The following APOLD1 variants were observed in gnomAD, a reference collection of about 807,000 sequenced individuals.
The protein encoded by APOLD1 is apolipoprotein L domain-containing protein 1.
Under a neutral mutation model 15.3 loss-of-function variants are expected in APOLD1, and 22 were observed. The ratio of observed to expected loss-of-function variants is 1.44; its 90% CI spans 1.03 to 2.05. APOLD1 has a LOEUF of 2.05. APOLD1 is among the 30% of genes most tolerant of loss of function. APOLD1 has a pLI of 0.00. For synonymous variants in APOLD1, 190 were observed against 167.4 expected (o/e 1.13, Z -1.04); for missense variants, 394 against 353.5 (o/e 1.11, Z -0.92).
intron 1 of APOLD1, among the ~76,000 whole-genome samples, chr12:12,736,256 C>G: frequency 6.6e-6 from 1 of 152,104 alleles, no homozygotes; most frequent in East Asian, 1.9e-4. Context: ...GAGGCTGAGG[C>G]AGGAGAACTG....
chr12:12,752,550 G>A (rs1946819962), intron 1 of APOLD1, among the ~76,000 whole-genome samples: 1 of 151,990 alleles, frequency 6.6e-6, no homozygotes, highest in Admixed American at 6.6e-5. Flanking sequence ...TGAGGATAAT[G>A]GATTGAACAA....
At chr12:12,783,918 G>A (rs1947105724), upstream of APOLD1, among the ~76,000 whole-genome samples, 1 of 152,108 alleles carries the variant, frequency 6.6e-6, no homozygotes, top group African/African-American at 2.4e-5. Flanking sequence ...ATAGGCATGG[G>A]CCACCATGAC....
chr12:12,777,896 T>TTTTTTTTTTTG (rs1947048422), intron 1 of APOLD1, among the ~76,000 whole-genome samples: 1 of 12,568 alleles, frequency 8.0e-5, no homozygotes, highest in African/African-American at 1.6e-4. Flanking sequence ...GGTGTTTTTT[T>TTTTTTTTTTTG]TTTTTTTTTT....
At chr12:12,729,246 A>T (rs1946618190) in intron 1 of APOLD1, among the ~76,000 whole-genome samples, 1 of 151,772 alleles carries the variant, frequency 6.6e-6, no homozygotes, top group East Asian at 1.9e-4. Context: ...AAAAAAAAAT[A>T]AAGTGGGATT....
chr12:12,779,287 C>T (rs1947061664), intron 1 of APOLD1, among the ~76,000 whole-genome samples: 1 of 152,148 alleles, frequency 6.6e-6, no homozygotes, highest in African/African-American at 2.4e-5. Flanking sequence ...ATGATATATT[C>T]TGTCTTTTTC....
chr12:12,787,854 A>T lies in APOLD1; in HGVS notation c.*202A>T. The T allele has an allele frequency of 1.5e-6, 1 of 686,062 alleles. No individual in the cohort carries two copies. The highest frequency in any genetic ancestry group is 2.3e-6 in the Non-Finnish European group (1 of 437,296). The allele number at this position is 686,062 out of a possible 1,614,324, so 42.5% of individuals were successfully genotyped here. A position where few individuals can be genotyped will look rare whatever the true frequency, so the allele number is the denominator to read the frequency against. On this transcript the variant is annotated 3_prime_UTR_variant, in exon 2 of 2. Coordinates refer to ENST00000356591, the MANE Select transcript of APOLD1 (RefSeq NM_030817.3). This position sits in a 1 kb window ranked among gnomAD's most constrained non-coding sequence, Gnocchi z 4.9. Reference sequence around the variant, plus strand: ...ATCTGCCTGGGCTTGAGTGCTACGGACTTTTCAGTCTTCCTAGTGGAAAAA... The same window carrying T: ...ATCTGCCTGGGCTTGAGTGCTACGGTCTTTTCAGTCTTCCTAGTGGAAAAA...
chr12:12,767,241 G>A (rs1230147790), intron 1 of APOLD1, among the ~76,000 whole-genome samples: 1 of 151,776 alleles, frequency 6.6e-6, no homozygotes, highest in Non-Finnish European at 1.5e-5. Flanking sequence ...GCAAGATTCC[G>A]TCTCCACAAA....
At chr12:12,764,788 C>A in intron 1 of APOLD1, 1 of 422,096 alleles carries the variant, frequency 2.4e-6, no homozygotes, top group Non-Finnish European at 5.1e-6. Flanking sequence ...TGTGATTCTC[C>A]ATGCCAGTGA....
chr12:12,742,002 G>T (rs762039905), intron 1 of APOLD1, among the ~76,000 whole-genome samples: 1 of 152,118 alleles, frequency 6.6e-6, no homozygotes, highest in African/African-American at 2.4e-5. Context: ...CTTTCTGCCC[G>T]ATTAAAAGAC....
intron 1 of APOLD1, among the ~76,000 whole-genome samples, chr12:12,736,683 T>G (rs1476916392): frequency 6.6e-6 from 1 of 152,222 alleles, no homozygotes; most frequent in African/African-American, 2.4e-5. Flanking sequence ...AGCTTTCGCC[T>G]TGATAGTTCT....
Position 12,753,518 on chromosome 12 carries a change from A to T in APOLD1, c.96+27422A>T, listed in dbSNP as rs756229316. Among the ~76,000 whole-genome samples the T allele has an allele frequency of 1.2e-3, 186 of 152,038 alleles. 5 individuals carry two copies. Among genetic ancestry groups the T allele is most frequent in the Non-Finnish European group, 4.0e-4 (27 of 67,948 alleles). On this transcript the variant is annotated intron_variant, in intron 1 of 1. Coordinates refer to the APOLD1 transcript ENST00000326765. ...TCACTACAAAAAAATAATAAAAAAA[A>T]TTTAGCCAGGCATGGTGGTGTGTGC...
intron 1 of APOLD1, among the ~76,000 whole-genome samples, chr12:12,769,228 A>T (rs1328222163): frequency 1.5e-5 from 1 of 67,816 alleles, no homozygotes; most frequent in East Asian, 3.9e-4. Context: ...ACCTCCAGCT[A>T]AAAAAAAAAA....
intron 1 of APOLD1, among the ~76,000 whole-genome samples, chr12:12,737,982 C>T (rs1412374354): frequency 6.6e-6 from 1 of 152,132 alleles, no homozygotes; most frequent in Non-Finnish European, 1.5e-5. Flanking sequence ...CCTTAAATAC[C>T]TTAATTCTGT....
chr12:12,751,289 T>A (rs1275615893), intron 1 of APOLD1, among the ~76,000 whole-genome samples: 1 of 152,102 alleles, frequency 6.6e-6, no homozygotes, highest in Admixed American at 6.6e-5. Flanking sequence ...CTGGCTGGCA[T>A]AGGCTGAATG....
At chr12:12,732,298 C>T (rs1028564386) in intron 1 of APOLD1, among the ~76,000 whole-genome samples, 4 of 152,116 alleles carry the variant, frequency 2.6e-5, no homozygotes, top group African/African-American at 4.8e-5. Flanking sequence ...TTATATACTG[C>T]GCATTTAAAA....
At chr12:12,770,888 G>A (rs1260240816) in intron 1 of APOLD1, among the ~76,000 whole-genome samples, 2 of 151,552 alleles carry the variant, frequency 1.3e-5, no homozygotes, top group African/African-American at 4.8e-5. Flanking sequence ...ATCTTATAGA[G>A]AAGAAAAGAA....
intron 1 of APOLD1, among the ~76,000 whole-genome samples, chr12:12,778,944 C>A (rs1947058600): frequency 6.6e-6 from 1 of 152,112 alleles, no homozygotes; most frequent in Non-Finnish European, 1.5e-5. Context: ...TTCAATGGCT[C>A]CCTCTTTCCC....
intron 1 of APOLD1, among the ~76,000 whole-genome samples, chr12:12,751,750 T>C (rs1946813850): frequency 6.6e-6 from 1 of 152,196 alleles, no homozygotes; most frequent in East Asian, 1.9e-4. Context: ...TCTGTGAGTA[T>C]GTTATATGGC....
At chr12:12,763,679 T>A (rs966713944) in intron 1 of APOLD1, among the ~76,000 whole-genome samples, 2 of 152,156 alleles carry the variant, frequency 1.3e-5, no homozygotes, top group African/African-American at 4.8e-5. Context: ...CTATACCATT[T>A]TATATGGGAC....
Sources: allele counts gnomAD v4.1 joint callset (sites outside exome capture counted in the v4.1 genomes callset), GRCh38; gene constraint gnomAD v4.1.1; non-coding constraint Gnocchi (gnomAD v3.1); transcripts MANE v1.5; gene names NCBI Gene and HGNC (gene_info 2026-07-23, HGNC 2026-07-21).